SAMD5: variants seen among roughly 807,000 people sequenced by gnomAD.
SAMD5 encodes the protein sterile alpha motif domain containing 5, also known as sterile alpha motif domain-containing protein 5.
Under a neutral mutation model 11.3 loss-of-function variants are expected in SAMD5, and 13 were observed. The observed-to-expected ratio is 1.15, with a 90% CI of 0.75 to 1.83. The LOEUF (loss-of-function observed/expected upper bound fraction) is 1.83. SAMD5 is among the 40% of genes most tolerant of loss of function. The pLI is 0.00. For synonymous variants in SAMD5, 129 were observed against 111.3 expected, an observed-to-expected ratio of 1.16 and a Z score of -1.00; for missense variants, 255 against 239.1, an observed-to-expected ratio of 1.07 and a Z score of -0.44.
intron 1 of SAMD5, among the ~76,000 whole-genome samples, chr6:147,694,053 T>G (rs1209530126): frequency 6.6e-6 from 1 of 152,194 alleles, no homozygotes; most frequent in Non-Finnish European, 1.5e-5. Flanking sequence ...TTGTTGTTTT[T>G]AATCAAAGCA....
At chr6:147,703,136 C>T (rs146607347) in intron 1 of SAMD5, among the ~76,000 whole-genome samples, 1,586 of 152,056 alleles carry the variant, frequency 0.01, 23 homozygotes, top group South Asian at 0.059. Flanking sequence ...GGTATGATCT[C>T]GGCTCACTGC....
At chr6:147,653,428 A>G (rs1328601642) in intron 1 of SAMD5, among the ~76,000 whole-genome samples, 1 of 152,250 alleles carries the variant, frequency 6.6e-6, no homozygotes, top group Admixed American at 6.5e-5. Context: ...ACATGTGAAG[A>G]CTTCACACAT....
At chr6:147,690,761 T>C (rs1480539152) in intron 1 of SAMD5, among the ~76,000 whole-genome samples, 3 of 152,218 alleles carry the variant, frequency 2.0e-5, no homozygotes, top group African/African-American at 7.2e-5. Context: ...ATCTATGTGG[T>C]TGAGCAAAGC....
chr6:147,876,792 A>G, the SAMD5 span, among the ~76,000 whole-genome samples: 7 of 152,188 alleles, frequency 4.6e-5, no homozygotes, highest in Admixed American at 2.0e-4. Flanking sequence ...CCATTAGAAA[A>G]TGGAATATTT....
At chr6:147,817,012 AG>A in the SAMD5 span, among the ~76,000 whole-genome samples, 1 of 152,176 alleles carries the variant, frequency 6.6e-6, no homozygotes, top group South Asian at 2.1e-4. Flanking sequence ...AAAAAGAGAA[AG>A]TGGTTAATTA....
At chr6:147,586,436 GA>G (rs1159898706) in intron 1 of SAMD5, among the ~76,000 whole-genome samples, 2 of 151,648 alleles carry the variant, frequency 1.3e-5, no homozygotes, top group South Asian at 4.1e-4. Context: ...CTCCACAAGG[GA>G]AAAAAAAGTA....
chr6:147,900,296 C>G, the SAMD5 span, among the ~76,000 whole-genome samples: 31 of 152,326 alleles, frequency 2.0e-4, 1 homozygote, highest in East Asian at 5.8e-3. Flanking sequence ...AGATGATGAT[C>G]ATTTCCTTGA....
At chr6:147,562,400 T>A (rs1184190734) in intron 1 of SAMD5, among the ~76,000 whole-genome samples, 1 of 152,220 alleles carries the variant, frequency 6.6e-6, no homozygotes, top group Non-Finnish European at 1.5e-5. Context: ...GAGTGACCCC[T>A]AACACTATAA....
intron 1 of SAMD5, among the ~76,000 whole-genome samples, chr6:147,607,025 C>T (rs898475977): frequency 6.7e-6 from 1 of 149,884 alleles, no homozygotes; most frequent in African/African-American, 2.5e-5. Context: ...TTTCAAGTAG[C>T]AAGGCTAACT....
chr6:147,558,134 A>C lies in SAMD5; in HGVS notation c.460-6260A>C, dbSNP rs193276119. On this transcript the variant is annotated intron_variant, in intron 1 of 1. Transcript: ENST00000367474. Reference sequence around the variant, plus strand: ...TGGCAATTATATTGGTGATAATTGAAGTATGAGTTAGCAGATTAATGTTAA... The same window carrying C: ...TGGCAATTATATTGGTGATAATTGACGTATGAGTTAGCAGATTAATGTTAA... 4.1e-3 allele frequency among the ~76,000 whole-genome samples: 623 copies of C among 152,350 alleles called. 3 individuals are homozygous for C. Among genetic ancestry groups the C allele is most frequent in the African/African-American group, 0.014 (584 of 41,580 alleles).
intron 1 of SAMD5, among the ~76,000 whole-genome samples, chr6:147,722,510 G>A (rs9497849): frequency 0.022 from 3,327 of 152,108 alleles, 138 homozygotes; most frequent in African/African-American, 0.077. Flanking sequence ...CTCATTTAAC[G>A]TCTCTTATTT....
chr6:147,798,373 C>T, the SAMD5 span, among the ~76,000 whole-genome samples: 9 of 149,748 alleles, frequency 6.0e-5, no homozygotes, highest in Middle Eastern at 3.4e-3. Context: ...TGTAGTTGAG[C>T]GGTTTTGAGT....
intron 1 of SAMD5, among the ~76,000 whole-genome samples, chr6:147,686,086 G>A (rs768484540): frequency 3.3e-5 from 5 of 152,076 alleles, no homozygotes; most frequent in Non-Finnish European, 5.9e-5. Flanking sequence ...TTGACCGTAC[G>A]GATGTACTCT....
chr6:147,816,828 T>C, the SAMD5 span, among the ~76,000 whole-genome samples: 1 of 152,168 alleles, frequency 6.6e-6, no homozygotes, highest in African/African-American at 2.4e-5. Flanking sequence ...CAGTCTCTAC[T>C]CTGTTCATTC....
the SAMD5 span, among the ~76,000 whole-genome samples, chr6:147,763,452 G>A: frequency 3.9e-3 from 575 of 148,728 alleles, 1 homozygote; most frequent in African/African-American, 0.014. Context: ...GTGAGCCACC[G>A]CGCCTGGCCC....
intron 1 of SAMD5, among the ~76,000 whole-genome samples, chr6:147,679,778 T>C (rs1034707746): frequency 6.6e-6 from 1 of 151,616 alleles, no homozygotes; most frequent in Admixed American, 6.6e-5. Flanking sequence ...TTTGAACTAT[T>C]GTGTATAATG....
intron 1 of SAMD5, among the ~76,000 whole-genome samples, chr6:147,533,462 C>CAAAA (rs57455955): frequency 5.6e-5 from 5 of 89,388 alleles, no homozygotes; most frequent in Non-Finnish European, 9.8e-5. Context: ...AATTCCATCT[C>CAAAA]AAAAAAAAAA....
At chr6:147,877,282 T>G in the SAMD5 span, among the ~76,000 whole-genome samples, 1 of 152,148 alleles carries the variant, frequency 6.6e-6, no homozygotes, top group Non-Finnish European at 1.5e-5. Flanking sequence ...TATGAAAACT[T>G]AAGAACTGAA....
At chr6:147,641,029 C>T (rs908799675) in intron 1 of SAMD5, among the ~76,000 whole-genome samples, 1 of 152,126 alleles carries the variant, frequency 6.6e-6, no homozygotes, top group Non-Finnish European at 1.5e-5. Context: ...TTCCTTAATC[C>T]TCTGTAAACC....
Sources: gnomAD v4.1 joint callset for allele counts (sites outside exome capture counted in the v4.1 genomes callset) on GRCh38, gnomAD v4.1.1 for gene constraint, MANE v1.5 for transcripts, NCBI Gene and HGNC (gene_info 2026-07-23, HGNC 2026-07-21) for gene names.